The following FAM78B variants were observed in gnomAD, a reference collection of about 807,000 sequenced individuals.
The protein encoded by FAM78B is protein FAM78B.
FAM78B carries 10 observed loss-of-function variants against 20.0 expected under a neutral mutation model. That is an observed-to-expected ratio of 0.50 (90% CI 0.31 to 0.85). FAM78B has a LOEUF of 0.85. FAM78B is among the 40% of genes least tolerant of loss of function. The pLI is 0.05. For missense variants in FAM78B, 283 were observed against 345.0 expected, an observed-to-expected ratio of 0.82 and a Z score of 1.42; for synonymous variants, 135 against 132.8, an observed-to-expected ratio of 1.02 and a Z score of -0.12.
chr1:166,126,097 G>T (rs1473070722), intron 1 of FAM78B, among the ~76,000 whole-genome samples: 7 of 152,134 alleles, frequency 4.6e-5, no homozygotes, highest in Admixed American at 4.6e-4. Context: ...GCCTCCCAAA[G>T]TGCTGGGATT....
intron 1 of FAM78B, among the ~76,000 whole-genome samples, chr1:166,080,229 A>G (rs1419169206): frequency 6.6e-6 from 1 of 152,210 alleles, no homozygotes; most frequent in Non-Finnish European, 1.5e-5. Context: ...ACACACTGCT[A>G]TGACCATGCC....
chr1:166,093,159 A>G (rs1653145635), intron 1 of FAM78B, among the ~76,000 whole-genome samples: 1 of 152,128 alleles, frequency 6.6e-6, no homozygotes, highest in South Asian at 2.1e-4. Context: ...CACCTATTAA[A>G]TTTTCCTGTT....
At chr1:166,099,377 C>A (rs951333285) in intron 1 of FAM78B, among the ~76,000 whole-genome samples, 1 of 152,148 alleles carries the variant, frequency 6.6e-6, no homozygotes, top group East Asian at 1.9e-4. Flanking sequence ...ACGAAGTACA[C>A]AGGCAACAAA....
chr1:166,162,048 A>G (rs1326759644), intron 1 of FAM78B, among the ~76,000 whole-genome samples: 1 of 152,236 alleles, frequency 6.6e-6, no homozygotes, highest in Non-Finnish European at 1.5e-5. Context: ...GGAACAGCGG[A>G]AAAATAGCAT....
At chr1:166,158,600 C>T (rs901382629) in intron 1 of FAM78B, among the ~76,000 whole-genome samples, 8 of 152,152 alleles carry the variant, frequency 5.3e-5, no homozygotes, top group African/African-American at 1.2e-4. Flanking sequence ...CATCTCCAGA[C>T]GTTCCTCGAT....
Position 166,109,862 on chromosome 1 carries a change from GTATGTGTA to G in FAM78B, c.264-39107_264-39100del, listed in dbSNP as rs1467690641. Reference sequence around the variant, plus strand: ...TATGTATATATATATATATATATATGTATGTGTATATATATATATGTATATATGTATAT... The same window carrying G: ...TATGTATATATATATATATATATATGTATATATATATGTATATATGTATAT... On this transcript the variant is annotated intron_variant, in intron 1 of 1. Coordinates refer to ENST00000354422, the MANE Select transcript of FAM78B (RefSeq NM_001017961.5). Among the ~76,000 whole-genome samples, 11 of 16,272 alleles carry G rather than the reference GTATGTGTA, an allele frequency of 6.8e-4. 1 individual carries two copies. Among genetic ancestry groups the G allele is most frequent in the East Asian group, 4.1e-3 (2 of 488 alleles). The allele number at this position is 16,272 out of a possible 152,430, so 10.7% of individuals were successfully genotyped here.
At chr1:166,072,461 ATGCT>A (rs1652087934) in intron 1 of FAM78B, among the ~76,000 whole-genome samples, 1 of 152,214 alleles carries the variant, frequency 6.6e-6, no homozygotes, top group African/African-American at 2.4e-5. Context: ...TTTGCTACAT[ATGCT>A]TTTGCAGCTG....
chr1:166,166,271 G>A lies in FAM78B; in HGVS notation c.-23C>T. Reference sequence around the variant, plus strand: ...CATCCTGCAGCCCGGTGCCGGCACGGCGCGGCGTGGGGCAGCGCGGGGGCC... The same window carrying A: ...CATCCTGCAGCCCGGTGCCGGCACGACGCGGCGTGGGGCAGCGCGGGGGCC... On this transcript the variant is annotated 5_prime_UTR_variant, in exon 1 of 2. Coordinates refer to ENST00000354422, the MANE Select transcript of FAM78B (RefSeq NM_001017961.5). The A allele has an allele frequency of 7.4e-7, 1 of 1,352,840 alleles. No individual in the cohort carries two copies. The highest frequency in any genetic ancestry group is 9.5e-7 in the Non-Finnish European group (1 of 1,048,128). The allele number at this position is 1,352,840 out of a possible 1,614,324, so 83.8% of individuals were successfully genotyped here.
chr1:166,071,977 AT>A (rs1298501278), intron 1 of FAM78B, among the ~76,000 whole-genome samples: 1 of 152,174 alleles, frequency 6.6e-6, no homozygotes, highest in African/African-American at 2.4e-5. Context: ...CATGCTCCAT[AT>A]TTTCGCTCCG....
At chr1:166,152,655 GATTTATTTATTTATTTATTTATTT>G (rs59226484) in intron 1 of FAM78B, among the ~76,000 whole-genome samples, 3 of 140,586 alleles carry the variant, frequency 2.1e-5, no homozygotes, top group African/African-American at 8.7e-5. Context: ...TGGTACTCTG[GATTTATTTATTTATTTATTTATTT>G]ATTTATTTAT....
chr1:166,148,380 T>C (rs942122417), intron 1 of FAM78B, among the ~76,000 whole-genome samples: 1 of 152,242 alleles, frequency 6.6e-6, no homozygotes, highest in Non-Finnish European at 1.5e-5. Flanking sequence ...AGCATGATGG[T>C]AGGCAGAGGC....
At chr1:166,157,857 C>G (rs988426493) in intron 1 of FAM78B, among the ~76,000 whole-genome samples, 1 of 152,122 alleles carries the variant, frequency 6.6e-6, no homozygotes, top group Non-Finnish European at 1.5e-5. Flanking sequence ...GCTTGCAGCC[C>G]GAGAACTGAG....
At chr1:166,165,080 G>C (rs901392989) in intron 1 of FAM78B, 5 of 152,316 alleles carry the variant, frequency 3.3e-5, no homozygotes, top group African/African-American at 1.2e-4. Context: ...GGCGATCCTT[G>C]GTCTTCACCG....
At chr1:166,152,405 C>G (rs1655710997) in intron 1 of FAM78B, among the ~76,000 whole-genome samples, 1 of 152,126 alleles carries the variant, frequency 6.6e-6, no homozygotes, top group South Asian at 2.1e-4. Flanking sequence ...CATAGCTTCC[C>G]TTGGCCCTGT....
chr1:166,117,355 T>A (rs1017869457), intron 1 of FAM78B, among the ~76,000 whole-genome samples: 3 of 152,170 alleles, frequency 2.0e-5, no homozygotes, highest in Non-Finnish European at 4.4e-5. Flanking sequence ...ACTTTTTCTC[T>A]TTTTTTCTTT....
intron 1 of FAM78B, among the ~76,000 whole-genome samples, chr1:166,135,417 A>G (rs1223152471): frequency 6.6e-6 from 1 of 152,246 alleles, no homozygotes; most frequent in Non-Finnish European, 1.5e-5. Flanking sequence ...ATGGCATAGC[A>G]GGAAGCATCA....
chr1:166,094,035 G>GTGTGTGTC (rs1557897462), intron 1 of FAM78B, among the ~76,000 whole-genome samples: 5 of 146,384 alleles, frequency 3.4e-5, no homozygotes, highest in African/African-American at 1.0e-4. Flanking sequence ...GTGTGTGTGT[G>GTGTGTGTC]TGTGTGTGTG....
chr1:166,084,238 C>CACACACA (rs59324558), intron 1 of FAM78B, among the ~76,000 whole-genome samples: 2,018 of 62,676 alleles, frequency 0.032, 44 homozygotes, highest in African/African-American at 0.091. Flanking sequence ...CACACACACA[C>CACACACA]TCTCTCTCTC....
chr1:166,152,522 A>T (rs145459685), intron 1 of FAM78B, among the ~76,000 whole-genome samples: 2 of 151,896 alleles, frequency 1.3e-5, no homozygotes. Context: ...AGCTTCTTTC[A>T]TACTCCCTCT....
Sources: gnomAD v4.1 joint callset for allele counts (sites outside exome capture counted in the v4.1 genomes callset) on GRCh38, gnomAD v4.1.1 for gene constraint, MANE v1.5 for transcripts, NCBI Gene and HGNC (gene_info 2026-07-23, HGNC 2026-07-21) for gene names.